The following MAP2K5 variants were observed in gnomAD, a reference collection of about 807,000 sequenced individuals.
MAP2K5 encodes the protein mitogen-activated protein kinase kinase 5, also known as dual specificity mitogen-activated protein kinase kinase 5.
In MAP2K5, 49 loss-of-function variants were observed where a neutral mutation model predicts 83.1. That is an observed-to-expected ratio of 0.59 (90% confidence interval 0.47 to 0.75). The LOEUF is 0.75. Among genes scored for constraint, MAP2K5 ranks in the 30% least tolerant of loss-of-function variants. The pLI is 0.00. For missense variants in MAP2K5, 457 were observed against 557.5 expected (o/e 0.82, Z 1.82); for synonymous variants, 202 against 191.8 (o/e 1.05, Z -0.44).
In MAP2K5 at chr15:67,687,698, C is replaced by G. The variant is rs138594154; in HGVS notation, c.848-4781C>G. On this transcript the variant is annotated intron_variant, in intron 13 of 21. Coordinates refer to ENST00000178640, the MANE Select transcript of MAP2K5 (RefSeq NM_145160.3). ...GTCCATTAAATGGGAAAAGATGGAG[C>G]TCCTTCTCAGGCCAAATTCATGCTC... is the stretch of plus-strand genomic sequence containing the variant. Among the ~76,000 whole-genome samples the G allele has an allele frequency of 9.8e-4, 149 of 152,256 alleles. 2 individuals are homozygous for G. The highest frequency in any genetic ancestry group is 2.6e-3 in the African/African-American group (107 of 41,558).
intron 16 of MAP2K5, among the ~76,000 whole-genome samples, chr15:67,727,247 T>C (rs1399718703): frequency 6.6e-6 from 1 of 152,208 alleles, no homozygotes; most frequent in Non-Finnish European, 1.5e-5. Context: ...TATTCCTGGT[T>C]GGATCATTTT....
At position 67,664,932 on chromosome 15, in the gene MAP2K5, T is replaced by C. The variant is rs79650251; in HGVS notation, c.847+287T>C. Among the ~76,000 whole-genome samples the C allele has an allele frequency of 2.7e-3, 416 of 152,358 alleles. 5 individuals carry two copies. The highest frequency in any genetic ancestry group is 9.7e-3 in the African/African-American group (404 of 41,592). On this transcript the variant is annotated intron_variant, in intron 13 of 21. Coordinates refer to ENST00000178640, the MANE Select transcript of MAP2K5 (RefSeq NM_145160.3). ...GGATCTTGTTTGTCTTACTTAACTA[T>C]TGTTAATGCAAAACCTTTGCTTTCT... is the stretch of plus-strand genomic sequence containing the variant.
At chr15:67,772,542 C>T (rs577881659) in intron 20 of MAP2K5, among the ~76,000 whole-genome samples, 165 bp from the exon 21 acceptor site, 15 of 152,084 alleles carry the variant, frequency 9.9e-5, no homozygotes, top group African/African-American at 1.7e-4. Flanking sequence ...TAAGTAAAGA[C>T]CAAAATAAAA....
Position 67,682,302 on chromosome 15 carries a change from C to T in MAP2K5, c.848-10177C>T, listed in dbSNP as rs557991965. Among the ~76,000 whole-genome samples the T allele has an allele frequency of 1.2e-3, 184 of 151,812 alleles. 1 individual carries two copies. Among genetic ancestry groups the T allele is most frequent in the African/African-American group, 4.2e-3 (174 of 41,432 alleles). On this transcript the variant is annotated intron_variant, in intron 13 of 21. Transcript: ENST00000178640. Reference sequence around the variant, plus strand: ...TGTGATCTCAGCTCACTGCAACCTCCGCCTCCTGGGTTCAAGCGATTCTCC... The same window carrying T: ...TGTGATCTCAGCTCACTGCAACCTCTGCCTCCTGGGTTCAAGCGATTCTCC...
At position 67,762,338 on chromosome 15, in the gene MAP2K5, A is replaced by G. The variant is rs142435597; in HGVS notation, c.1135-7264A>G. On this transcript the variant is annotated intron_variant, in intron 19 of 21. Coordinates refer to ENST00000178640, the MANE Select transcript of MAP2K5 (RefSeq NM_145160.3). ...GTGTACTGTTCATGTAGGCACATCTAAAAACTGCTGTGCACTATGGCTGAT... is the reference window on the plus strand; with the variant it reads ...GTGTACTGTTCATGTAGGCACATCTGAAAACTGCTGTGCACTATGGCTGAT... Among the ~76,000 whole-genome samples the G allele has an allele frequency of 6.4e-3, 976 of 152,334 alleles. 45 individuals carry two copies. Among genetic ancestry groups the G allele is most frequent in the Admixed American group, 0.06 (913 of 15,296 alleles).
At chr15:67,767,196 A>G (rs1408611923) in intron 19 of MAP2K5, among the ~76,000 whole-genome samples, 1 of 152,236 alleles carries the variant, frequency 6.6e-6, no homozygotes, top group African/African-American at 2.4e-5. Context: ...CTACCCATGC[A>G]AGATGTCACA....
rs759310113 is a variant in MAP2K5, at chr15:67,543,348, G to T, written c.13G>T (p.Ala5Ser). The change falls in exon 1 of 22, where the codon GCC becomes TCC. Residue 5 changes from alanine to serine, a missense_variant. Physicochemically the swap from Ala to Ser is moderately conservative, Grantham distance 99. Coordinates refer to ENST00000178640, the MANE Select transcript of MAP2K5 (RefSeq NM_145160.3). The surrounding 1 kb of genome is among the most constrained non-coding windows in gnomAD (Gnocchi z 4.3). MLWLALGPFPAMENQ... is the reference protein window; with the variant it reads MLWLSLGPFPAMENQ... Reference sequence around the variant, plus strand: ...TCTTTAACCTGTAATGCTGTGGCTAGCCCTTGGCCCCTTTCCTGCCATGGA... The same window carrying T: ...TCTTTAACCTGTAATGCTGTGGCTATCCCTTGGCCCCTTTCCTGCCATGGA... The T allele has an allele frequency of 1.2e-6, 2 of 1,614,092 alleles. No homozygotes were observed. The highest frequency in any genetic ancestry group is 2.7e-5 in the African/African-American group (2 of 74,938).
rs1426326184 is a variant in MAP2K5, at chr15:67,630,926, A to C, written c.584A>C (p.Lys195Thr). Reference sequence around the variant, plus strand: ...CCGAGTGGGAAAATATTAGCTGTAAAGGTAAGTACTGGATACATTTTATGA... The same window carrying C: ...CCGAGTGGGAAAATATTAGCTGTAACGGTAAGTACTGGATACATTTTATGA... Reference protein sequence around the residue: ...HVPSGKILAVKVILLDITLEL... With the variant: ...HVPSGKILAVTVILLDITLEL... Residue 195 changes from lysine to threonine, a missense_variant and splice_region_variant, in exon 9 of 22, where the codon AAG (lysine) becomes ACG (threonine). This residue lies in a region of MAP2K5 where 234 missense variants were observed against 243.6 expected (regional missense o/e 0.96). Coordinates refer to ENST00000178640, the MANE Select transcript of MAP2K5 (RefSeq NM_145160.3). 4 of 1,605,498 alleles carry C rather than the reference A, an allele frequency of 2.5e-6. No homozygotes were observed.
At chr15:67,725,587 C>T (rs3784701) in intron 16 of MAP2K5, among the ~76,000 whole-genome samples, 125,076 of 152,174 alleles carry the variant, frequency 0.82, 51,576 homozygotes, top group Admixed American at 0.88. Flanking sequence ...AAGTGAATGG[C>T]GCAATGCCTG....
rs2087673673 is a variant in MAP2K5 at position 67,676,019 on chromosome 15, G to A, written c.847+11374G>A. 6.6e-6 allele frequency among the ~76,000 whole-genome samples: 1 copy of A among 152,200 alleles called. No individual in the cohort carries two copies. The highest frequency in any genetic ancestry group is 1.5e-5 in the Non-Finnish European group (1 of 68,040). On this transcript the variant is annotated intron_variant, in intron 13 of 21. Transcript: ENST00000178640. The surrounding 1 kb of genome is among the most constrained non-coding windows in gnomAD (Gnocchi z 4.8). ...AAAGCCTTCTGACTTGCAGGGGATT[G>A]GGATTTGAAGCAGACTGTGTGATCG...
intron 3 of MAP2K5, among the ~76,000 whole-genome samples, chr15:67,567,374 T>G (rs1463793345): frequency 6.6e-6 from 1 of 150,840 alleles, no homozygotes; most frequent in African/African-American, 2.4e-5. Flanking sequence ...TTTTTTTTTT[T>G]TGAGACAGAG....
In MAP2K5 at chr15:67,677,909, T is replaced by C. The variant is rs927948344; in HGVS notation, c.847+13264T>C. Among the ~76,000 whole-genome samples, 2 of 152,234 alleles carry C rather than the reference T, an allele frequency of 1.3e-5. No homozygotes were observed. The highest frequency in any genetic ancestry group is 4.8e-5 in the African/African-American group (2 of 41,464). On this transcript the variant is annotated intron_variant, in intron 13 of 21. Transcript: ENST00000178640. The surrounding 1 kb of genome is among the most constrained non-coding windows in gnomAD (Gnocchi z 4.2). ...GTTGCCTCCATTCTGAACCGAATCA[T>C]GAGACTCCAGGCAATAACTGCCATT...
chr15:67,723,275 C>T (rs556462681), intron 16 of MAP2K5, among the ~76,000 whole-genome samples: 14 of 152,244 alleles, frequency 9.2e-5, no homozygotes, highest in African/African-American at 2.4e-4. Context: ...CTCTCTTTCA[C>T]GCACAGGCAC....
At chr15:67,630,781 C>T in intron 8 of MAP2K5, 107 bp from the exon 9 acceptor site, 1 of 726,532 alleles carries the variant, frequency 1.4e-6, no homozygotes. Context: ...TTGAAAGTAC[C>T]ATGTATCCCA....
At position 67,582,509 on chromosome 15, in the gene MAP2K5, T is replaced by C. The variant is rs752348899; in HGVS notation, c.322+1686T>C. ...ATAGCTCTGCCATAGAAAACCCTAATTGCAGTATCCTGGAGAAATATACTT... is the reference window on the plus strand; with the variant it reads ...ATAGCTCTGCCATAGAAAACCCTAACTGCAGTATCCTGGAGAAATATACTT... On this transcript the variant is annotated intron_variant, in intron 4 of 21. Coordinates refer to ENST00000178640, the MANE Select transcript of MAP2K5 (RefSeq NM_145160.3). 4.6e-5 allele frequency among the ~76,000 whole-genome samples: 7 copies of C among 152,152 alleles called. 1 individual carries two copies. The highest frequency in any genetic ancestry group is 6.6e-5 in the Admixed American group (1 of 15,264).
At position 67,801,241 on chromosome 15, in the gene MAP2K5, G is replaced by A. The variant is rs1404470013; in HGVS notation, c.1243-5405G>A. 6.6e-6 allele frequency among the ~76,000 whole-genome samples: 1 copy of A among 152,202 alleles called. No homozygotes were observed. Among genetic ancestry groups the A allele is most frequent in the Non-Finnish European group, 1.5e-5 (1 of 68,034 alleles). On this transcript the variant is annotated intron_variant, in intron 21 of 21. Transcript: ENST00000178640. The surrounding 1 kb of genome is among the most constrained non-coding windows in gnomAD (Gnocchi z 4.8). ...CCAGCAATGAAAGGCAAAGGGATGG[G>A]CAGTGGGTTGGCATGTGGAGGTCCC...
Position 67,638,834 on chromosome 15 carries a change from C to T in MAP2K5, c.586-7397C>T, listed in dbSNP as rs973279678. Among the ~76,000 whole-genome samples the T allele has an allele frequency of 1.3e-5, 2 of 152,258 alleles. No individual in the cohort carries two copies. Among genetic ancestry groups the T allele is most frequent in the South Asian group, 4.2e-4 (2 of 4,816 alleles). On this transcript the variant is annotated intron_variant, in intron 9 of 21. Coordinates refer to ENST00000178640, the MANE Select transcript of MAP2K5 (RefSeq NM_145160.3). The surrounding 1 kb of genome is among the most constrained non-coding windows in gnomAD (Gnocchi z 4.5). ...TTCTCAAATGATCAGTGATGTTGAG[C>T]GTTTTTCCATAGGATTGTTGGCCTC...
At chr15:67,721,454 T>C (rs1458399997) in intron 16 of MAP2K5, among the ~76,000 whole-genome samples, 1 of 152,214 alleles carries the variant, frequency 6.6e-6, no homozygotes, top group Admixed American at 6.5e-5. Context: ...GAAAAAACAT[T>C]AGTTACAAGC....
chr15:67,630,542 G>A (rs1429874914), intron 8 of MAP2K5, among the ~76,000 whole-genome samples: 2 of 152,164 alleles, frequency 1.3e-5, no homozygotes, highest in Non-Finnish European at 2.9e-5. Context: ...AGTCATAAGG[G>A]ATCTGGAGCC....
Sources: gnomAD v4.1 joint callset for allele counts (sites outside exome capture counted in the v4.1 genomes callset) on GRCh38, gnomAD v4.1.1 for gene constraint, gnomAD v4.1.1 regional missense constraint, Gnocchi (gnomAD v3.1) non-coding constraint, MANE v1.5 for transcripts, NCBI Gene and HGNC (gene_info 2026-07-23, HGNC 2026-07-21) for gene names.